Variants in CXCL13 observed in about 807,000 individuals in gnomAD.
CXCL13 encodes C-X-C motif chemokine ligand 13, also known as C-X-C motif chemokine 13.
CXCL13 carries 7 observed loss-of-function variants against 12.2 expected under a neutral mutation model. That is an observed-to-expected ratio of 0.57 (90% CI 0.33 to 1.07). The LOEUF (loss-of-function observed/expected upper bound fraction) is 1.07. Among genes scored for constraint, CXCL13 ranks in the 50% least tolerant of loss-of-function variants. The pLI, the probability that CXCL13 is intolerant of heterozygous loss-of-function variation, is 0.04. For synonymous variants in CXCL13, 47 were observed against 42.4 expected (o/e 1.11, Z -0.42); for missense variants, 113 against 127.4 (o/e 0.89, Z 0.55).
intron 1 of CXCL13, among the ~76,000 whole-genome samples, chr4:77,534,000 G>T (rs1470506133): frequency 2.6e-4 from 39 of 152,188 alleles, no homozygotes; most frequent in Admixed American, 2.1e-3. Context: ...GCAATGTGCT[G>T]CCCTGCTTTG....
At chr4:77,523,730 C>G (rs1417966852) in intron 1 of CXCL13, among the ~76,000 whole-genome samples, 1 of 152,210 alleles carries the variant, frequency 6.6e-6, no homozygotes, top group Non-Finnish European at 1.5e-5. Flanking sequence ...CAAAGTCATT[C>G]TCTGTCCAGC....
intron 1 of CXCL13, among the ~76,000 whole-genome samples, chr4:77,541,680 G>A (rs1208237590): frequency 1.3e-5 from 2 of 152,116 alleles, no homozygotes; most frequent in Non-Finnish European, 2.9e-5. Context: ...GCTTAGGATT[G>A]CTTTGGCAAT....
chr4:77,542,210 T>C (rs1725220482), intron 1 of CXCL13, among the ~76,000 whole-genome samples: 1 of 152,162 alleles, frequency 6.6e-6, no homozygotes, highest in African/African-American at 2.4e-5. Context: ...TTTTTTCTCT[T>C]GTCTGATTGC....
At chr4:77,542,869 C>T (rs763188619) in intron 1 of CXCL13, among the ~76,000 whole-genome samples, 52 of 152,158 alleles carry the variant, frequency 3.4e-4, no homozygotes, top group Non-Finnish European at 6.0e-4. Flanking sequence ...CAGGGTGATG[C>T]TAGCTTTGTA....
intron 1 of CXCL13, among the ~76,000 whole-genome samples, chr4:77,516,108 A>G (rs571814531): frequency 4.1e-4 from 63 of 152,294 alleles, no homozygotes; most frequent in African/African-American, 1.4e-3. Context: ...GCTGGATTAC[A>G]TTTATTGATT....
intron 1 of CXCL13, among the ~76,000 whole-genome samples, chr4:77,532,114 G>C (rs1426313100): frequency 3.3e-5 from 5 of 152,194 alleles, no homozygotes; most frequent in Non-Finnish European, 7.3e-5. Flanking sequence ...TATTTTGCTT[G>C]TTAGTTGATG....
At chr4:77,527,964 GTTCCCC>G (rs1241157611) in intron 1 of CXCL13, among the ~76,000 whole-genome samples, 5 of 151,772 alleles carry the variant, frequency 3.3e-5, no homozygotes, top group Non-Finnish European at 5.9e-5. Context: ...GGTGTGTGAT[GTTCCCC>G]TTCCTGTGTC....
At chr4:77,545,685 A>G (rs1231363041) in intron 1 of CXCL13, among the ~76,000 whole-genome samples, 2 of 152,172 alleles carry the variant, frequency 1.3e-5, no homozygotes, top group African/African-American at 2.4e-5. Flanking sequence ...CAATCACATC[A>G]TCTGCAAACA....
At chr4:77,547,783 A>T (rs1044837225) in intron 1 of CXCL13, among the ~76,000 whole-genome samples, 6 of 152,154 alleles carry the variant, frequency 3.9e-5, no homozygotes, top group Non-Finnish European at 8.8e-5. Context: ...TTATGATGTT[A>T]GCTGGTTATT....
chr4:77,533,196 G>T (rs919296810), intron 1 of CXCL13, among the ~76,000 whole-genome samples: 1 of 152,166 alleles, frequency 6.6e-6, no homozygotes, highest in East Asian at 1.9e-4. Flanking sequence ...TGATGGTGAA[G>T]TACAGATGGG....
intron 1 of CXCL13, among the ~76,000 whole-genome samples, chr4:77,531,124 TA>T (rs879267793): frequency 2.8e-3 from 415 of 148,184 alleles, no homozygotes; most frequent in Non-Finnish European, 3.8e-3. Flanking sequence ...TTATTATTAT[TA>T]TTATTATCAT....
intron 1 of CXCL13, among the ~76,000 whole-genome samples, chr4:77,576,921 A>G (rs1726210779): frequency 6.6e-6 from 1 of 152,162 alleles, no homozygotes. Flanking sequence ...CTTATCATAC[A>G]TTTGTCATTA....
In CXCL13 at chr4:77,551,822, G is replaced by C. The variant is rs1044423118; in HGVS notation, c.-43+40034G>C. On this transcript the variant is annotated intron_variant, in intron 1 of 4. Transcript: ENST00000286758. ...TCTGTATTTTTGTCTTACTGAGTTA[G>C]TTCAAAAGACTAGTCTTCAAGCTCT... is the stretch of plus-strand genomic sequence containing the variant. 2.3e-4 allele frequency among the ~76,000 whole-genome samples: 35 copies of C among 152,006 alleles called. 1 individual carries two copies. Among genetic ancestry groups the C allele is most frequent in the Admixed American group, 2.3e-3 (35 of 15,262 alleles).
At chr4:77,606,242 GT>G (rs1176426075) in intron 1 of CXCL13, among the ~76,000 whole-genome samples, 6 of 152,014 alleles carry the variant, frequency 3.9e-5, no homozygotes, top group African/African-American at 1.5e-4. Flanking sequence ...GCTCTTCTTT[GT>G]TCTGCCTCTC....
chr4:77,601,076 C>T (rs557174394), upstream of CXCL13, among the ~76,000 whole-genome samples: 5 of 152,292 alleles, frequency 3.3e-5, no homozygotes, highest in South Asian at 1.0e-3. Context: ...ACCTAGCAGT[C>T]TCTTGGGGAA....
At chr4:77,559,240 G>A (rs1367018789) in intron 1 of CXCL13, among the ~76,000 whole-genome samples, 1 of 152,154 alleles carries the variant, frequency 6.6e-6, no homozygotes, top group Non-Finnish European at 1.5e-5. Flanking sequence ...TCCAACACCT[G>A]GGGAAGAAAG....
chr4:77,595,774 G>A (rs762764202), intron 1 of CXCL13, among the ~76,000 whole-genome samples: 8 of 152,170 alleles, frequency 5.3e-5, no homozygotes, highest in Non-Finnish European at 8.8e-5. Flanking sequence ...CTTCCTGTGA[G>A]GATGCTGTTC....
upstream of CXCL13, among the ~76,000 whole-genome samples, chr4:77,602,781 A>G (rs150241521): frequency 6.6e-6 from 1 of 152,186 alleles, no homozygotes; most frequent in Non-Finnish European, 1.5e-5. Context: ...AATTGTTTCC[A>G]TTTGAGTTTT....
At chr4:77,543,781 G>A (rs1578045818) in intron 1 of CXCL13, among the ~76,000 whole-genome samples, 2 of 151,352 alleles carry the variant, frequency 1.3e-5, no homozygotes, top group South Asian at 4.2e-4. Flanking sequence ...AATTTCTAGG[G>A]CACATGTGCA....
Sources: gnomAD v4.1 joint callset for allele counts (sites outside exome capture counted in the v4.1 genomes callset) on GRCh38, gnomAD v4.1.1 for gene constraint, MANE v1.5 for transcripts, NCBI Gene and HGNC (gene_info 2026-07-23, HGNC 2026-07-21) for gene names.